Variants in DLG2 observed in about 807,000 individuals in gnomAD.
DLG2 encodes discs large MAGUK scaffold protein 2.
A neutral mutation model predicts 132.5 loss-of-function variants in DLG2; 45 were observed. The observed-to-expected ratio is 0.34, with a 90% CI of 0.27 to 0.44. The LOEUF is 0.44. Among genes scored for constraint, DLG2 ranks in the 20% least tolerant of loss-of-function variants. The pLI, the probability that DLG2 is intolerant of heterozygous loss-of-function variation, is 1.00. For synonymous variants in DLG2, 424 were observed against 419.6 expected, an observed-to-expected ratio of 1.01 and a Z score of -0.13; for missense variants, 1,045 against 1,196.9, an observed-to-expected ratio of 0.87 and a Z score of 1.87.
At chr11:84,519,561 CT>C (rs2099287672) in intron 7 of DLG2, among the ~76,000 whole-genome samples, 1 of 152,092 alleles carries the variant, frequency 6.6e-6, no homozygotes, top group Non-Finnish European at 1.5e-5. Flanking sequence ...TTAGAGAACC[CT>C]CCTGAAGCAA....
intron 3 of DLG2, among the ~76,000 whole-genome samples, chr11:85,420,118 G>A (rs2090175267): frequency 6.6e-6 from 1 of 152,150 alleles, no homozygotes; most frequent in South Asian, 2.1e-4. Context: ...GGGTTTTCAT[G>A]TGCATGTCCT....
At chr11:84,647,774 G>A (rs945049984) in intron 6 of DLG2, among the ~76,000 whole-genome samples, 19 of 152,068 alleles carry the variant, frequency 1.2e-4, no homozygotes, top group African/African-American at 2.9e-4. Flanking sequence ...GGGCTAAAGC[G>A]GATCCTACTA....
At chr11:84,750,397 A>C (rs1385108303) in intron 6 of DLG2, among the ~76,000 whole-genome samples, 2 of 152,172 alleles carry the variant, frequency 1.3e-5, no homozygotes, top group Non-Finnish European at 2.9e-5. Context: ...TTGAAGTCGG[A>C]GTCTGACTCT....
At chr11:84,086,445 A>G (rs2096982022) in intron 10 of DLG2, among the ~76,000 whole-genome samples, 1 of 151,356 alleles carries the variant, frequency 6.6e-6, no homozygotes, top group South Asian at 2.1e-4. Flanking sequence ...TGCCCTATGT[A>G]ATTTTAAACA....
intron 6 of DLG2, among the ~76,000 whole-genome samples, chr11:85,056,387 G>C (rs1465063747): frequency 6.6e-6 from 1 of 151,830 alleles, no homozygotes; most frequent in Non-Finnish European, 1.5e-5. Flanking sequence ...AATTCAATAG[G>C]GGAATTTAAA....
At chr11:84,491,445 T>C (rs769717317) in intron 7 of DLG2, among the ~76,000 whole-genome samples, 5 of 152,160 alleles carry the variant, frequency 3.3e-5, no homozygotes, top group African/African-American at 1.2e-4. Flanking sequence ...ATTAAACCTC[T>C]TCCTTCTGTA....
At chr11:85,434,632 C>G (rs1014086265) in intron 3 of DLG2, among the ~76,000 whole-genome samples, 2 of 151,984 alleles carry the variant, frequency 1.3e-5, no homozygotes, top group Non-Finnish European at 2.9e-5. Flanking sequence ...AGGAAGAAGT[C>G]AAATCCCTGA....
intron 8 of DLG2, among the ~76,000 whole-genome samples, chr11:84,179,687 T>C (rs1304839786): frequency 6.6e-6 from 1 of 152,156 alleles, no homozygotes; most frequent in Non-Finnish European, 1.5e-5. Flanking sequence ...CATTCAGTGC[T>C]TCTTAATAAG....
At chr11:84,009,022 A>G (rs1168175291) in intron 11 of DLG2, among the ~76,000 whole-genome samples, 1 of 151,764 alleles carries the variant, frequency 6.6e-6, no homozygotes, top group Non-Finnish European at 1.5e-5. Context: ...CCTAGAAAAT[A>G]CTAGACTTTC....
At chr11:84,484,042 C>A (rs959009485) in intron 7 of DLG2, among the ~76,000 whole-genome samples, 1 of 152,090 alleles carries the variant, frequency 6.6e-6, no homozygotes, top group South Asian at 2.1e-4. Context: ...AGGAGTCAGA[C>A]CATGAGGTCA....
At chr11:83,987,541 C>T (rs549635643) in intron 11 of DLG2, among the ~76,000 whole-genome samples, 4 of 152,156 alleles carry the variant, frequency 2.6e-5, no homozygotes, top group Non-Finnish European at 4.4e-5. Flanking sequence ...GAAATAATAC[C>T]GCATATCTAC....
At chr11:85,288,189 T>A (rs189994983) in intron 3 of DLG2, among the ~76,000 whole-genome samples, 18 of 152,064 alleles carry the variant, frequency 1.2e-4, no homozygotes, top group African/African-American at 4.3e-4. Flanking sequence ...TATATTTTCA[T>A]AAATAATAAA....
intron 4 of DLG2, among the ~76,000 whole-genome samples, chr11:85,171,856 A>T (rs1192264328): frequency 6.6e-6 from 1 of 152,242 alleles, no homozygotes; most frequent in African/African-American, 2.4e-5. Context: ...GATCATGGCC[A>T]GACTGCTGCT....
rs1176873990 is a variant in DLG2 at position 84,252,140 on chromosome 11, C to CTTTTTTTTTTT, written c.520-860_520-850dup. ...GCTGTATCCTGTATTTTCTTTCTTTCTTTTTTTTTTTTTTTTTTTTTTTTT... is the reference window on the plus strand; with the variant it reads ...GCTGTATCCTGTATTTTCTTTCTTTCTTTTTTTTTTTTTTTTTTTTTTTTTTTTTTTTTTTT... On this transcript the variant is annotated intron_variant, in intron 7 of 27. Coordinates refer to ENST00000376104, the MANE Select transcript of DLG2 (RefSeq NM_001142699.3). Among the ~76,000 whole-genome samples, 9 of 65,354 alleles carry CTTTTTTTTTTT rather than the reference C, an allele frequency of 1.4e-4. 1 individual carries two copies. Among genetic ancestry groups the CTTTTTTTTTTT allele is most frequent in the East Asian group, 4.6e-4 (1 of 2,162 alleles). 42.9% of individuals were successfully genotyped at this position (65,354 alleles called of 152,430 possible). A position where few individuals can be genotyped will look rare whatever the true frequency, so the allele number is the denominator to read the frequency against.
chr11:84,345,557 G>C (rs1309343690), intron 7 of DLG2, among the ~76,000 whole-genome samples: 1 of 152,156 alleles, frequency 6.6e-6, no homozygotes, highest in Admixed American at 6.5e-5. Context: ...CCAAGAGAAA[G>C]AGTCACATGA....
chr11:84,829,888 G>T (rs745536108), intron 6 of DLG2, among the ~76,000 whole-genome samples: 1 of 151,518 alleles, frequency 6.6e-6, no homozygotes, highest in African/African-American at 2.4e-5. Flanking sequence ...TCCTAACTCA[G>T]GTCTACATTA....
intron 21 of DLG2, among the ~76,000 whole-genome samples, chr11:83,487,973 A>ATGTT (rs939197798): frequency 1.6e-4 from 24 of 151,886 alleles, no homozygotes; most frequent in Non-Finnish European, 2.1e-4. Context: ...GGGAGATAAA[A>ATGTT]TGTTTGTTAT....
At chr11:84,845,244 A>G (rs1310033055) in intron 6 of DLG2, among the ~76,000 whole-genome samples, 1 of 152,110 alleles carries the variant, frequency 6.6e-6, no homozygotes, top group Non-Finnish European at 1.5e-5. Flanking sequence ...TGAATCTAAC[A>G]TTTCTGATCA....
intron 6 of DLG2, among the ~76,000 whole-genome samples, chr11:84,874,710 G>C (rs954405231): frequency 2.0e-5 from 3 of 152,052 alleles, no homozygotes; most frequent in African/African-American, 7.2e-5. Flanking sequence ...AGGAAATGGA[G>C]ATTGAAAGAC....
Sources: allele counts gnomAD v4.1 joint callset (sites outside exome capture counted in the v4.1 genomes callset), GRCh38; gene constraint gnomAD v4.1.1; transcripts MANE v1.5; gene names NCBI Gene and HGNC (gene_info 2026-07-23, HGNC 2026-07-21).